Variants in GSG1L observed in about 807,000 individuals in gnomAD.
GSG1L encodes the protein germ cell-specific gene 1-like protein.
In GSG1L, 24 loss-of-function variants were observed where a neutral mutation model predicts 42.1. The observed-to-expected ratio is 0.57, with a 90% CI of 0.41 to 0.80. GSG1L has a LOEUF of 0.80. Ranked by LOEUF, GSG1L falls within the 30% of genes least tolerant of loss-of-function variation. The pLI is 0.00. For missense variants in GSG1L, 445 were observed against 472.2 expected, an observed-to-expected ratio of 0.94 and a Z score of 0.53; for synonymous variants, 215 against 203.5, an observed-to-expected ratio of 1.06 and a Z score of -0.48.
At chr16:27,924,189 TACACAA>T in intron 2 of GSG1L, among the ~76,000 whole-genome samples, 1 of 151,564 alleles carries the variant, frequency 6.6e-6, no homozygotes, top group Non-Finnish European at 1.5e-5. Flanking sequence ...AATGTCTATA[TACACAA>T]ATATAGACAT....
chr16:27,968,025 G>T (rs1014658508), intron 1 of GSG1L, among the ~76,000 whole-genome samples: 6 of 152,102 alleles, frequency 3.9e-5, no homozygotes, highest in Admixed American at 3.9e-4. Flanking sequence ...GAGATGTAAT[G>T]GCCAAATTCA....
At chr16:27,857,298 G>A (rs1161809034) in intron 3 of GSG1L, among the ~76,000 whole-genome samples, 1 of 151,550 alleles carries the variant, frequency 6.6e-6, no homozygotes, top group Admixed American at 6.6e-5. Flanking sequence ...AGTGGTGGTG[G>A]GCACCTGTAG....
chr16:27,951,255 C>T (rs1486737714), intron 2 of GSG1L, among the ~76,000 whole-genome samples: 1 of 152,152 alleles, frequency 6.6e-6, no homozygotes, highest in Admixed American at 6.6e-5. Context: ...TGGAGCAGGG[C>T]CATTCAGATG....
chr16:28,055,776 C>T (rs528900924), intron 1 of GSG1L, among the ~76,000 whole-genome samples: 41 of 152,258 alleles, frequency 2.7e-4, no homozygotes, highest in African/African-American at 9.1e-4. Flanking sequence ...GGCCCATTCC[C>T]CTTTTATTCT....
chr16:28,021,970 T>A (rs2141166550), intron 1 of GSG1L, among the ~76,000 whole-genome samples: 1 of 152,330 alleles, frequency 6.6e-6, no homozygotes, highest in East Asian at 1.9e-4. Context: ...CAGCCAGAAG[T>A]TGCAATGCCT....
intron 6 of GSG1L, among the ~76,000 whole-genome samples, chr16:27,803,243 G>A (rs1321876519): frequency 6.6e-6 from 1 of 151,988 alleles, no homozygotes; most frequent in Non-Finnish European, 1.5e-5. Flanking sequence ...AACTGTGCAA[G>A]GGGGCTTTCT....
chr16:27,881,879 C>T (rs754556111), intron 3 of GSG1L, among the ~76,000 whole-genome samples: 1 of 152,098 alleles, frequency 6.6e-6, no homozygotes, highest in Non-Finnish European at 1.5e-5. Flanking sequence ...TGTCCCTGCC[C>T]TCACCCATTC....
chr16:27,992,235 G>A (rs764393580), intron 1 of GSG1L, among the ~76,000 whole-genome samples: 24 of 152,242 alleles, frequency 1.6e-4, no homozygotes, highest in Admixed American at 2.0e-4. Flanking sequence ...AGTGGCTCAC[G>A]CCTGTAATCC....
At chr16:28,028,488 T>C (rs1343923801) in intron 1 of GSG1L, among the ~76,000 whole-genome samples, 1 of 151,844 alleles carries the variant, frequency 6.6e-6, no homozygotes, top group Non-Finnish European at 1.5e-5. Context: ...GCTTTTAAAC[T>C]CTGTCCACAG....
chr16:27,793,782 G>A (rs1355033737), intron 6 of GSG1L, among the ~76,000 whole-genome samples: 1 of 152,168 alleles, frequency 6.6e-6, no homozygotes, highest in East Asian at 1.9e-4. Flanking sequence ...GAGGCACTTG[G>A]GGCTCAGAGC....
Position 27,881,814 on chromosome 16 carries a change from G to A in GSG1L, c.550+2672C>T, listed in dbSNP as rs1005679576. Among the ~76,000 whole-genome samples, 6 of 151,754 alleles carry A rather than the reference G, an allele frequency of 4.0e-5. 1 individual carries two copies. Among genetic ancestry groups the A allele is most frequent in the Admixed American group, 2.0e-4 (3 of 15,260 alleles). The stretch of plus-strand genomic sequence containing the variant: ...TTCCCCTAACCACCCACTCCCACCC[G>A]CCTCTCCTAACCAGTCCCCAAGCCC... On this transcript the variant is annotated intron_variant, in intron 3 of 6. Transcript: ENST00000447459.
chr16:28,043,726 T>C (rs1303442713), intron 1 of GSG1L, among the ~76,000 whole-genome samples: 1 of 152,234 alleles, frequency 6.6e-6, no homozygotes, highest in Non-Finnish European at 1.5e-5. Context: ...ACAGCCACTT[T>C]GAAAGACGGT....
chr16:27,968,813 A>G (rs2085161529), intron 1 of GSG1L, among the ~76,000 whole-genome samples: 1 of 152,318 alleles, frequency 6.6e-6, no homozygotes, highest in South Asian at 2.1e-4. Context: ...TCATACATTT[A>G]AAGTATGCAA....
intron 5 of GSG1L, among the ~76,000 whole-genome samples, chr16:27,822,165 C>T (rs964055440): frequency 2.0e-5 from 3 of 152,070 alleles, no homozygotes; most frequent in Non-Finnish European, 4.4e-5. Context: ...TTCATAAAGT[C>T]CTCACAACAA....
In GSG1L at chr16:28,063,458, C is replaced by T. The variant is rs1449864761; in HGVS notation, c.-34G>A. On this transcript the variant is annotated 5_prime_UTR_variant, in exon 1 of 7. Coordinates refer to ENST00000447459, the MANE Select transcript of GSG1L (RefSeq NM_001109763.2). This position sits in a 1 kb window ranked among gnomAD's most constrained non-coding sequence, Gnocchi z 5.8. ...CGCCGCCGGGACGGGACTGCACCGC[C>T]GGGGAGCTCCGCGCGCGAAGTTGGC... is the stretch of plus-strand genomic sequence containing the variant. 32 of 1,142,818 alleles carry T rather than the reference C, an allele frequency of 2.8e-5. No individual in the cohort carries two copies. The highest frequency in any genetic ancestry group is 5.0e-5 in the African/African-American group (3 of 60,600). 70.8% of individuals were successfully genotyped at this position (1,142,818 alleles called of 1,614,324 possible).
chr16:27,972,303 G>A (rs529887393), intron 1 of GSG1L, among the ~76,000 whole-genome samples: 9 of 152,362 alleles, frequency 5.9e-5, no homozygotes, highest in Admixed American at 1.3e-4. Flanking sequence ...AAGTCATAGA[G>A]ATGACATGAG....
chr16:27,956,319 TG>T (rs1567534095), intron 2 of GSG1L, among the ~76,000 whole-genome samples: 1 of 152,168 alleles, frequency 6.6e-6, no homozygotes, highest in Non-Finnish European at 1.5e-5. Context: ...TAGGTCACTT[TG>T]GGAGAAATAA....
chr16:27,935,155 T>C (rs899045772), intron 2 of GSG1L, among the ~76,000 whole-genome samples: 4 of 152,048 alleles, frequency 2.6e-5, no homozygotes, highest in Admixed American at 6.6e-5. Context: ...TGGAGCCCAT[T>C]ATGGGGAGCA....
chr16:28,046,438 C>T (rs2141190129), intron 1 of GSG1L, among the ~76,000 whole-genome samples: 1 of 150,702 alleles, frequency 6.6e-6, no homozygotes, highest in Non-Finnish European at 1.5e-5. Context: ...ACTGCAAGCT[C>T]CGCCTCCCGG....
Sources: gnomAD v4.1 joint callset for allele counts (sites outside exome capture counted in the v4.1 genomes callset) on GRCh38, gnomAD v4.1.1 for gene constraint, Gnocchi (gnomAD v3.1) non-coding constraint, MANE v1.5 for transcripts, NCBI Gene and HGNC (gene_info 2026-07-23, HGNC 2026-07-21) for gene names.